DMTN: variants seen among roughly 807,000 people sequenced by gnomAD.
DMTN encodes the protein dematin actin binding protein, also known as dematin.
DMTN carries 27 observed loss-of-function variants against 59.4 expected under a neutral mutation model. That is an observed-to-expected ratio of 0.45 (90% CI 0.33 to 0.63). The LOEUF (loss-of-function observed/expected upper bound fraction) is 0.63. DMTN is among the 20% of genes least tolerant of loss of function. DMTN has a pLI of 0.02. For synonymous variants in DMTN, 221 were observed against 203.7 expected, an observed-to-expected ratio of 1.08 and a Z score of -0.72; for missense variants, 451 against 528.9, an observed-to-expected ratio of 0.85 and a Z score of 1.45.
upstream of DMTN, among the ~76,000 whole-genome samples, chr8:22,056,549 G>A (rs548222566): frequency 2.8e-3 from 385 of 139,628 alleles, 3 homozygotes; most frequent in African/African-American, 0.012. Flanking sequence ...AGGCTGAGGG[G>A]CTCTGGGTGC....
Position 22,065,827 on chromosome 8 carries a change from CTTTTTTTT to C in DMTN, c.-171-857_-171-850del, listed in dbSNP as rs76626050. On this transcript the variant is annotated intron_variant, in intron 1 of 15. Transcript: ENST00000358242. ...TCCGGCCTGGGCGACAGAGCAAGAC[CTTTTTTTT>C]TTTTTTTTTTTTTTTTTTTTAACGA... 3.2e-3 allele frequency among the ~76,000 whole-genome samples: 237 copies of C among 74,596 alleles called. 6 individuals are homozygous for C. Among genetic ancestry groups the C allele is most frequent in the African/African-American group, 9.9e-3 (188 of 18,916 alleles). The allele number at this position is 74,596 out of a possible 152,430, so 48.9% of individuals were successfully genotyped here.
intron 1 of DMTN, among the ~76,000 whole-genome samples, chr8:22,064,430 G>A (rs1808887639): frequency 6.6e-6 from 1 of 152,022 alleles, no homozygotes; most frequent in Admixed American, 6.5e-5. Flanking sequence ...CTTTCCATGG[G>A]CACCAACACC....
chr8:22,081,386 G>A lies in DMTN; in HGVS notation c.1141G>A (p.Ala381Thr). 6.2e-7 allele frequency: 1 copy of A among 1,614,054 alleles called. No homozygotes were observed. ...TGCCGAGGACTTCTCAAGGGTATTTGCCATGTCCCCTGAAGAGTTTGGCAA... is the reference window on the plus strand; with the variant it reads ...TGCCGAGGACTTCTCAAGGGTATTTACCATGTCCCCTGAAGAGTTTGGCAA... ...LSAEDFSRVF[A>T]MSPEEFGKLA... Residue 381 changes from alanine (A) to threonine (T), a missense_variant, in exon 16 of 16, where the codon GCC becomes ACC. Ala to Thr is a moderately conservative substitution (Grantham distance 58). Coordinates refer to ENST00000358242, the MANE Select transcript of DMTN (RefSeq NM_001387751.1).
rs778969258 is a variant in DMTN at position 22,069,467 on chromosome 8, C to T, written c.343C>T (p.Pro115Ser). ...TGGAATCATCTCTCAGGCCTCGGCCCCCAGAACCACTGGAACCCCCCGGAC... is the reference window on the plus strand; with the variant it reads ...TGGAATCATCTCTCAGGCCTCGGCCTCCAGAACCACTGGAACCCCCCGGAC... ...SPGIISQASA[P>S]RTTGTPRTSL... The change falls in exon 6 of 16, where the codon CCC becomes TCC. Residue 115 changes from proline (P) to serine (S), a missense_variant. Pro to Ser is a moderately conservative substitution (Grantham distance 74). Transcript: ENST00000358242. The T allele has an allele frequency of 1.9e-6, 3 of 1,613,528 alleles. No individual in the cohort carries two copies. Among genetic ancestry groups the T allele is most frequent in the Admixed American group, 3.3e-5 (2 of 59,960 alleles).
upstream of DMTN, among the ~76,000 whole-genome samples, chr8:22,050,649 A>AAGGGAG (rs775775150): frequency 2.3e-4 from 35 of 151,890 alleles, no homozygotes; most frequent in Non-Finnish European, 5.0e-4. Context: ...AGGGACAGAG[A>AAGGGAG]AGGGAGAGGG....
At chr8:22,052,707 G>A (rs769570977), upstream of DMTN, among the ~76,000 whole-genome samples, 6 of 152,110 alleles carry the variant, frequency 3.9e-5, no homozygotes, top group African/African-American at 7.2e-5. Context: ...CCCCAAAGAG[G>A]GAAAGGGGAG....
Position 22,081,093 on chromosome 8 carries a change from G to GGGGCTGC in DMTN, c.1024-20_1024-19insGGGCTGC. 1 of 1,572,878 alleles carries GGGGCTGC rather than the reference G, an allele frequency of 6.4e-7. No individual in the cohort carries two copies. Among genetic ancestry groups the GGGGCTGC allele is most frequent in the Non-Finnish European group, 8.7e-7 (1 of 1,144,782 alleles). Reference sequence around the variant, plus strand: ...CAGGATATTCTGTGAGCCTAAGATTGCCCCTCCCCCCACCCCCAGATCTAT... The same window carrying GGGGCTGC: ...CAGGATATTCTGTGAGCCTAAGATTGGGGCTGCCCCCTCCCCCCACCCCCAGATCTAT... On this transcript the variant is annotated intron_variant, in intron 14 of 15. Transcript: ENST00000358242.
At chr8:22,069,138 C>A in intron 5 of DMTN, 78 bp downstream of exon 5, 1 of 1,522,506 alleles carries the variant, frequency 6.6e-7, no homozygotes. Flanking sequence ...ACACATCAGA[C>A]CAAGCTCTGC....
chr8:22,077,281 G>A (rs1361003066), intron 10 of DMTN, among the ~76,000 whole-genome samples: 1 of 152,174 alleles, frequency 6.6e-6, no homozygotes, highest in Admixed American at 6.5e-5. Context: ...TGGGGATGGA[G>A]CTGAGCCAAA....
chr8:22,065,011 A>C (rs1171139046), intron 1 of DMTN, among the ~76,000 whole-genome samples: 1 of 152,184 alleles, frequency 6.6e-6, no homozygotes, highest in Non-Finnish European at 1.5e-5. Flanking sequence ...AATCCTTTTA[A>C]AGGGCTTCTC....
intron 1 of DMTN, among the ~76,000 whole-genome samples, chr8:22,064,171 T>C (rs1378394220): frequency 1.3e-5 from 2 of 152,060 alleles, no homozygotes; most frequent in Admixed American, 1.3e-4. Flanking sequence ...GATGGATGGA[T>C]AGATGAATGC....
In DMTN at chr8:22,082,057, G is replaced by C. The variant is rs1200049969; in HGVS notation, c.*594G>C. The C allele has an allele frequency of 4.4e-6, 2 of 456,776 alleles. No homozygotes were observed. The highest frequency in any genetic ancestry group is 2.3e-5 in the Admixed American group (1 of 42,582). 28.3% of individuals were successfully genotyped at this position (456,776 alleles called of 1,614,324 possible). On this transcript the variant is annotated 3_prime_UTR_variant, in exon 16 of 16. Transcript: ENST00000358242. ...CCAAGCCTTTTGCTCCAGCCCTGCG[G>C]CTTCCCCAGAAGCCTGGGCTTAGGG...
Position 22,066,912 on chromosome 8 carries a change from G to A in DMTN, c.18+19G>A, listed in dbSNP as rs541031132. 10 of 1,249,088 alleles carry A rather than the reference G, an allele frequency of 8.0e-6. No individual in the cohort carries two copies. The South Asian group carries it at 9.1e-5, about 11-fold the overall frequency. The allele number at this position is 1,249,088 out of a possible 1,614,324, so 77.4% of individuals were successfully genotyped here. A position where few individuals can be genotyped will look rare whatever the true frequency, so the allele number is the denominator to read the frequency against. ...GCAGAAGGTGCGCGGCGCCGCCCCG[G>A]GCCGGGGCCGCCGAGGGCGGGTGGG... On this transcript the variant is annotated intron_variant, in intron 2 of 15. Coordinates refer to ENST00000358242, the MANE Select transcript of DMTN (RefSeq NM_001387751.1).
Position 22,067,614 on chromosome 8 carries a change from C to A in DMTN, c.181C>A (p.Leu61Ile), listed in dbSNP as rs1811823822. 6.2e-7 allele frequency: 1 copy of A among 1,614,196 alleles called. No homozygotes were observed. Among genetic ancestry groups the A allele is most frequent in the Non-Finnish European group, 8.5e-7 (1 of 1,180,036 alleles). ...CATCCTGGACATCGAGCGGCCCGAC[C>A]TCATGATCTACGAGCCTCACTTCAC... ...KAILDIERPD[L>I]MIYEPHFTYS... Residue 61 changes from leucine to isoleucine, a missense_variant, in exon 4 of 16, where the codon CTC (leucine) becomes ATC (isoleucine). Transcript: ENST00000358242.
intron 10 of DMTN, among the ~76,000 whole-genome samples, chr8:22,079,357 G>C (rs942451302): frequency 6.2e-5 from 9 of 144,678 alleles, no homozygotes; most frequent in Admixed American, 2.1e-4. Context: ...GGCTGAGATG[G>C]GGAGAATCAC....
intron 10 of DMTN, among the ~76,000 whole-genome samples, chr8:22,079,303 A>T (rs10103512): frequency 2.1e-4 from 11 of 52,218 alleles, no homozygotes; most frequent in Admixed American, 9.6e-4. Flanking sequence ...TATATATATT[A>T]GCTGGGTTTG....
chr8:22,059,542 A>G (rs1338554420), intron 1 of DMTN: 1 of 152,204 alleles, frequency 6.6e-6, no homozygotes, highest in Non-Finnish European at 1.5e-5. Flanking sequence ...TTGAACTGGG[A>G]TCTTTGGTAC....
chr8:22,071,145 G>T (rs146502309), intron 8 of DMTN, among the ~76,000 whole-genome samples: 3,801 of 152,116 alleles, frequency 0.025, 52 homozygotes, highest in Middle Eastern at 0.037. Flanking sequence ...GCCCCAGGCT[G>T]TAGTGCAGTG....
In DMTN at chr8:22,067,568, T is replaced by A; in HGVS notation, c.135T>A (p.Ala45=). 2 of 1,614,162 alleles carry A rather than the reference T, an allele frequency of 1.2e-6. No individual in the cohort carries two copies. The highest frequency in any genetic ancestry group is 1.7e-6 in the Non-Finnish European group (2 of 1,180,018). The change falls in exon 4 of 16, where the codon GCT becomes GCA. Residue 45 remains alanine, a synonymous_variant. Coordinates refer to ENST00000358242, the MANE Select transcript of DMTN (RefSeq NM_001387751.1). ...AGGTGCTGGGCTACAAGGACCTGGC[T>A]GCCATCCCCAAGGACAAGGCCATCC... is the stretch of plus-strand genomic sequence containing the variant. The part of the protein sequence containing the change: ...DNQVLGYKDL[A]AIPKDKAILD...
Sources: allele counts gnomAD v4.1 joint callset (sites outside exome capture counted in the v4.1 genomes callset), GRCh38; gene constraint gnomAD v4.1.1; transcripts MANE v1.5; gene names NCBI Gene and HGNC (gene_info 2026-07-23, HGNC 2026-07-21).